The following KIFBP variants were observed in gnomAD, a reference collection of about 807,000 sequenced individuals.
The protein encoded by KIFBP is kinesin family binding protein.
Under a neutral mutation model 58.9 loss-of-function variants are expected in KIFBP, and 46 were observed. The ratio of observed to expected loss-of-function variants is 0.78; its 90% CI spans 0.62 to 1.00. The LOEUF (loss-of-function observed/expected upper bound fraction) is 1.00, where lower values mean the gene tolerates loss of function less well. KIFBP is among the 50% of genes least tolerant of loss of function. The probability of loss-of-function intolerance (pLI) is 0.00; values close to 1 mark genes in which losing one functional copy is unlikely to be tolerated. For missense variants in KIFBP, 651 were observed against 752.9 expected (o/e 0.86, Z 1.58); for synonymous variants, 241 against 283.4 (o/e 0.85, Z 1.50).
chr10:69,000,437 T>C lies in KIFBP; in HGVS notation c.440T>C (p.Ile147Thr). 1 of 1,605,628 alleles carries C rather than the reference T, an allele frequency of 6.2e-7. No homozygotes were observed. The highest frequency in any genetic ancestry group is 8.5e-7 in the Non-Finnish European group (1 of 1,172,448). ...TTTATTTTCCAGAATAACCTGGGTA[T>C]CTTGTGGTCTGAAAGAGAAGAAATT... is the stretch of plus-strand genomic sequence containing the variant. ...LCIQAQNNLG[I>T]LWSEREEIET... The change falls in exon 2 of 7, where the codon ATC becomes ACC. Residue 147 changes from isoleucine to threonine, a missense_variant. Physicochemically the swap from Ile to Thr is moderately conservative, Grantham distance 89. Transcript: ENST00000361983.
intron 1 of KIFBP, 134 bp downstream of exon 1, chr10:68,989,392 C>A: frequency 2.0e-6 from 2 of 977,356 alleles, no homozygotes; most frequent in South Asian, 1.4e-5. Context: ...GACTGAGTCC[C>A]AAAGAGCGTC....
chr10:68,994,087 G>A (rs1471270658), intron 1 of KIFBP, among the ~76,000 whole-genome samples: 1 of 152,058 alleles, frequency 6.6e-6, no homozygotes, highest in Non-Finnish European at 1.5e-5. Flanking sequence ...TACTCAGGAG[G>A]CTGTGGGAGG....
chr10:69,012,506 TATG>T (rs1396582863), intron 6 of KIFBP, among the ~76,000 whole-genome samples: 1 of 152,140 alleles, frequency 6.6e-6, no homozygotes, highest in Non-Finnish European at 1.5e-5. Flanking sequence ...TGTATTAAAG[TATG>T]ATAATTTTTT....
At chr10:69,000,313 A>T in intron 1 of KIFBP, 111 bp from the exon 2 acceptor site, 1 of 744,734 alleles carries the variant, frequency 1.3e-6, no homozygotes, top group Non-Finnish European at 2.4e-6. Context: ...ATTCATTGGT[A>T]ATCCAACTCT....
chr10:69,003,939 G>T (rs1843499731), intron 2 of KIFBP, among the ~76,000 whole-genome samples: 2 of 152,008 alleles, frequency 1.3e-5, no homozygotes, highest in Non-Finnish European at 2.9e-5. Context: ...CTTAAAGAGG[G>T]GTCGGGCACG....
chr10:68,998,428 C>G (rs1361500056), intron 1 of KIFBP, among the ~76,000 whole-genome samples: 1 of 150,148 alleles, frequency 6.7e-6, no homozygotes, highest in East Asian at 1.9e-4. Flanking sequence ...TTCTATTGTT[C>G]ACAAAGTCCC....
rs375314171 is a variant in KIFBP at position 68,994,492 on chromosome 10, TCTC to T, written c.426+5235_426+5237del. ...TTAGATTATCAAGAGATTTCTGTCT[TCTC>T]TGGGTTCCAGTGCCTTAGGAATAAT... On this transcript the variant is annotated intron_variant, in intron 1 of 6. Transcript: ENST00000361983. Among the ~76,000 whole-genome samples the T allele has an allele frequency of 4.7e-3, 714 of 152,286 alleles. 6 individuals carry two copies. The highest frequency in any genetic ancestry group is 0.016 in the African/African-American group (670 of 41,562).
intron 6 of KIFBP, among the ~76,000 whole-genome samples, chr10:69,012,619 C>G (rs920684605): frequency 6.6e-6 from 1 of 151,924 alleles, no homozygotes; most frequent in Non-Finnish European, 1.5e-5. Flanking sequence ...AGGCCAGGTA[C>G]AGCGCCTCAT....
Position 69,011,395 on chromosome 10 carries a change from CT to C in KIFBP, c.990+397del, listed in dbSNP as rs10700812. ...TGAGAGCTGGGAACGATATCATATT[CT>C]TTTTTTTTTTTTTTTTAGACAGGCT... On this transcript the variant is annotated intron_variant, in intron 6 of 6. Transcript: ENST00000361983. 9.9e-3 allele frequency: 1,285 copies of C among 129,930 alleles called. 8 individuals carry two copies. Among genetic ancestry groups the C allele is most frequent in the South Asian group, 0.024 (132 of 5,526 alleles). The allele number at this position is 129,930 out of a possible 1,614,324, so 8.0% of individuals were successfully genotyped here. A position where few individuals can be genotyped will look rare whatever the true frequency, so the allele number is the denominator to read the frequency against.
In KIFBP at chr10:69,010,978, G is replaced by C; in HGVS notation, c.953G>C (p.Cys318Ser). The C allele has an allele frequency of 6.2e-7, 1 of 1,614,032 alleles. No homozygotes were observed. The highest frequency in any genetic ancestry group is 8.5e-7 in the Non-Finnish European group (1 of 1,179,910). Residue 318 changes from cysteine (C) to serine (S), a missense_variant, in exon 6 of 7, where the codon TGT (cysteine) becomes TCT (serine). Coordinates refer to ENST00000361983, the MANE Select transcript of KIFBP (RefSeq NM_015634.4). The part of the protein sequence containing the change: ...GEIARCWIKY[C>S]LTLMQNAQLS... ...ATAGCAAGGTGCTGGATCAAATACT[G>C]TTTGACTCTCATGCAGAATGCCCAA...
At chr10:69,010,798 T>G in intron 5 of KIFBP, 102 bp from the exon 6 acceptor site, 1 of 776,964 alleles carries the variant, frequency 1.3e-6, no homozygotes, top group Non-Finnish European at 2.2e-6. Flanking sequence ...TAAAGATCTG[T>G]TACTTTTATA....
At chr10:69,012,955 A>G (rs1843610044) in intron 6 of KIFBP, among the ~76,000 whole-genome samples, 1 of 152,014 alleles carries the variant, frequency 6.6e-6, no homozygotes, top group Admixed American at 6.6e-5. Context: ...GCTTAACAGG[A>G]AGCATGACTA....
chr10:69,000,785 A>G (rs1843458538), intron 2 of KIFBP, among the ~76,000 whole-genome samples: 1 of 152,266 alleles, frequency 6.6e-6, no homozygotes, highest in African/African-American at 2.4e-5. Context: ...GTGTTATCCT[A>G]AAATACTATT....
At chr10:68,993,020 C>G (rs1003178032) in intron 1 of KIFBP, among the ~76,000 whole-genome samples, 1 of 152,022 alleles carries the variant, frequency 6.6e-6, no homozygotes, top group Non-Finnish European at 1.5e-5. Context: ...GTTAGTTTTG[C>G]AGGCCACCTC....
chr10:69,012,293 T>TA (rs1843603279), intron 6 of KIFBP, among the ~76,000 whole-genome samples: 3 of 152,200 alleles, frequency 2.0e-5, no homozygotes, highest in Admixed American at 2.0e-4. Context: ...AGTCAGTATA[T>TA]ATTAAGGCCT....
At chr10:69,015,025 C>A (rs1057224662) in intron 6 of KIFBP, among the ~76,000 whole-genome samples, 12 of 152,074 alleles carry the variant, frequency 7.9e-5, no homozygotes, top group African/African-American at 2.9e-4. Flanking sequence ...TGGGTTCAAG[C>A]GATTCTCCTG....
intron 1 of KIFBP, among the ~76,000 whole-genome samples, chr10:68,996,601 C>G (rs1170180119): frequency 6.6e-6 from 1 of 150,726 alleles, no homozygotes; most frequent in Non-Finnish European, 1.5e-5. Flanking sequence ...ACCTGTAATC[C>G]CAGCACTTTG....
rs1173764355 is a variant in KIFBP at position 69,008,391 on chromosome 10, AATAT to A, written c.790-425_790-422del. On this transcript the variant is annotated intron_variant, in intron 4 of 6. Coordinates refer to ENST00000361983, the MANE Select transcript of KIFBP (RefSeq NM_015634.4). ...CCCCTGTCTCGTAAAAAAAAAAAAA[AATAT>A]ATATATATATATATATATATATATT... 4.5e-4 allele frequency among the ~76,000 whole-genome samples: 32 copies of A among 71,576 alleles called. 2 individuals carry two copies. The highest frequency in any genetic ancestry group is 1.4e-3 in the African/African-American group (18 of 12,886). 47.0% of individuals were successfully genotyped at this position (71,576 alleles called of 152,430 possible). A position where few individuals can be genotyped will look rare whatever the true frequency, so the allele number is the denominator to read the frequency against.
chr10:69,010,964 C>T lies in KIFBP; in HGVS notation c.939C>T (p.Cys313=). The T allele has an allele frequency of 6.2e-7, 1 of 1,614,092 alleles. No individual in the cohort carries two copies. Among genetic ancestry groups the T allele is most frequent in the Non-Finnish European group, 8.5e-7 (1 of 1,179,974 alleles). Residue 313 remains cysteine, a synonymous_variant, in exon 6 of 7, where the codon TGC becomes TGT. Coordinates refer to ENST00000361983, the MANE Select transcript of KIFBP (RefSeq NM_015634.4). ...AAAGAAAGGGGGAAATAGCAAGGTG[C>T]TGGATCAAATACTGTTTGACTCTCA... ...YHQRKGEIAR[C]WIKYCLTLMQ...
Sources: allele counts gnomAD v4.1 joint callset (sites outside exome capture counted in the v4.1 genomes callset), GRCh38; gene constraint gnomAD v4.1.1; transcripts MANE v1.5; gene names NCBI Gene and HGNC (gene_info 2026-07-23, HGNC 2026-07-21).